Variants in DSTYK observed in about 807,000 individuals in gnomAD.
DSTYK encodes the protein dual serine/threonine and tyrosine protein kinase.
In DSTYK, 34 loss-of-function variants were observed where a neutral mutation model predicts 98.7. That is an observed-to-expected ratio of 0.34 (90% confidence interval 0.26 to 0.46). The LOEUF (loss-of-function observed/expected upper bound fraction) is 0.46, where lower values mean the gene tolerates loss of function less well. Ranked by LOEUF, DSTYK falls within the 20% of genes least tolerant of loss-of-function variation. DSTYK has a pLI of 1.00. For missense variants in DSTYK, 962 were observed against 1,181.7 expected (o/e 0.81, Z 2.73); for synonymous variants, 462 against 457.3 (o/e 1.01, Z -0.13).
At position 205,199,485 on chromosome 1, in the gene DSTYK, A is replaced by G. The variant is rs150324120; in HGVS notation, c.266-11679T>C. On this transcript the variant is annotated intron_variant, in intron 1 of 12. Coordinates refer to ENST00000367162, the MANE Select transcript of DSTYK (RefSeq NM_015375.3). ...TTTATAGCTCAAAGCAAGGAGACACACATCTTAAGCATTTCTACATCTGTT... is the reference window on the plus strand; with the variant it reads ...TTTATAGCTCAAAGCAAGGAGACACGCATCTTAAGCATTTCTACATCTGTT... 2.0e-5 allele frequency among the ~76,000 whole-genome samples: 3 copies of G among 152,304 alleles called. No individual in the cohort carries two copies. In the East Asian group the frequency reaches 5.8e-4, roughly 29 times the overall value.
chr1:205,148,117 T>A, intron 12 of DSTYK, 88 bp downstream of exon 12: 2 of 1,548,066 alleles, frequency 1.3e-6, no homozygotes, highest in Non-Finnish European at 1.8e-6. Context: ...AGTGGCCAGA[T>A]GGGATGACAG....
chr1:205,184,095 C>G (rs912829532), intron 2 of DSTYK, among the ~76,000 whole-genome samples: 1 of 152,194 alleles, frequency 6.6e-6, no homozygotes, highest in African/African-American at 2.4e-5. Context: ...TCCAAGTAGT[C>G]TCCTCAGTTG....
intron 4 of DSTYK, 29 bp from the exon 5 acceptor site, chr1:205,163,035 G>A: frequency 6.5e-7 from 1 of 1,549,364 alleles, no homozygotes; most frequent in Non-Finnish European, 8.9e-7. Flanking sequence ...AAGAAAACAT[G>A]TCCTCAGTAG....
intron 1 of DSTYK, among the ~76,000 whole-genome samples, chr1:205,200,280 C>T (rs1359718158): frequency 6.6e-6 from 1 of 152,056 alleles, no homozygotes; most frequent in Non-Finnish European, 1.5e-5. Flanking sequence ...TCAGGTGATC[C>T]ACCTACCTTG....
intron 1 of DSTYK, among the ~76,000 whole-genome samples, chr1:205,194,544 CTT>C (rs869180306): frequency 3.7e-5 from 3 of 81,654 alleles, no homozygotes; most frequent in African/African-American, 5.8e-5. Flanking sequence ...AAAAATCTCA[CTT>C]TTTTTTTTTT....
chr1:205,196,698 T>C (rs991479754), intron 1 of DSTYK, among the ~76,000 whole-genome samples: 2 of 150,594 alleles, frequency 1.3e-5, no homozygotes, highest in African/African-American at 4.9e-5. Flanking sequence ...AACTAATCAA[T>C]TGCAAAGGAA....
At chr1:205,161,191 G>A in intron 7 of DSTYK, 67 bp downstream of exon 7, 1 of 1,583,576 alleles carries the variant, frequency 6.3e-7, no homozygotes, top group Non-Finnish European at 8.6e-7. Flanking sequence ...ATTCTCTGAG[G>A]CTGGACATAA....
At chr1:205,164,008 CACTAAAT>C (rs1413589878) in intron 3 of DSTYK, 53 bp from the exon 4 acceptor site, 1 of 1,482,758 alleles carries the variant, frequency 6.7e-7, no homozygotes, top group Admixed American at 1.7e-5. Context: ...GGGGCAGACA[CACTAAAT>C]AAAGTCATCT....
chr1:205,194,711 A>G (rs1036790552), intron 1 of DSTYK, among the ~76,000 whole-genome samples: 4 of 151,180 alleles, frequency 2.6e-5, no homozygotes, highest in Non-Finnish European at 5.9e-5. Flanking sequence ...ACAGAGCTCA[A>G]AAAAAGAAAA....
rs567432027 is a variant in DSTYK at position 205,169,656 on chromosome 1, G to T, written c.831C>A (p.Phe277Leu). The T allele has an allele frequency of 6.2e-7, 1 of 1,614,220 alleles. No homozygotes were observed. The highest frequency in any genetic ancestry group is 1.1e-5 in the South Asian group (1 of 91,086). The change falls in exon 3 of 13, where the codon TTC becomes TTA. Residue 277 changes from phenylalanine (F) to leucine (L), a missense_variant. By Grantham distance (22) the Phe-to-Leu change is conservative. Coordinates refer to ENST00000367162, the MANE Select transcript of DSTYK (RefSeq NM_015375.3). This position sits in a 1 kb window ranked among gnomAD's most constrained non-coding sequence, Gnocchi z 4.0. ...EIRKYFSFPV[F>L]FFKVPKLGSE... is the part of the protein sequence containing the mutation. ...AGCCCAGTTTCGGCACTTTGAAAAA[G>T]AATACAGGAAAGGAGAAATACTTTC... is the stretch of plus-strand genomic sequence containing the variant.
intron 3 of DSTYK, among the ~76,000 whole-genome samples, chr1:205,164,704 G>C (rs890895439): frequency 2.0e-5 from 3 of 152,070 alleles, no homozygotes; most frequent in Admixed American, 2.0e-4. Context: ...CTCGTGATCT[G>C]CCCACCTCGG....
chr1:205,175,626 A>G (rs916311049), intron 2 of DSTYK, among the ~76,000 whole-genome samples: 1 of 152,134 alleles, frequency 6.6e-6, no homozygotes, highest in Non-Finnish European at 1.5e-5. Flanking sequence ...GGGATGACTC[A>G]TGCTTGACGG....
intron 6 of DSTYK, among the ~76,000 whole-genome samples, chr1:205,161,693 T>C (rs1331517178): frequency 2.6e-5 from 4 of 152,234 alleles, no homozygotes; most frequent in African/African-American, 9.6e-5. Flanking sequence ...TTCTGTCATT[T>C]GTTCCTAAAA....
At chr1:205,154,656 T>C (rs1276387899) in intron 10 of DSTYK, among the ~76,000 whole-genome samples, 1 of 152,098 alleles carries the variant, frequency 6.6e-6, no homozygotes, top group Admixed American at 6.6e-5. Context: ...ATACATGAAA[T>C]TGTGGAAGCG....
intron 9 of DSTYK, among the ~76,000 whole-genome samples, chr1:205,158,744 C>T (rs190871297): frequency 6.6e-6 from 1 of 152,188 alleles, no homozygotes; most frequent in South Asian, 2.1e-4. Context: ...AAATTCTACC[C>T]ATCATGGTAT....
intron 1 of DSTYK, among the ~76,000 whole-genome samples, chr1:205,189,789 A>G (rs1420281130): frequency 2.0e-5 from 3 of 152,190 alleles, no homozygotes; most frequent in Non-Finnish European, 4.4e-5. Context: ...CCGCACATAT[A>G]CATCAGCAAC....
chr1:205,209,633 C>CCG (rs1292978303), intron 1 of DSTYK, among the ~76,000 whole-genome samples: 5 of 59,956 alleles, frequency 8.3e-5, no homozygotes, highest in Admixed American at 2.1e-4. Context: ...AGGGGGATGA[C>CCG]TAGTTTTTCT....
chr1:205,211,583 C>T lies in DSTYK; in HGVS notation c.-48G>A. 3 of 1,406,422 alleles carry T rather than the reference C, an allele frequency of 2.1e-6. No individual in the cohort carries two copies. The South Asian group carries it at 4.7e-5, about 22-fold the overall frequency. 87.1% of individuals were successfully genotyped at this position (1,406,422 alleles called of 1,614,324 possible). ...GCGGCTCGGTCCCCGGCCGCAGGCC[C>T]GGCCTCCCTCCTCCCCGCCCCCCAG... On this transcript the variant is annotated 5_prime_UTR_variant, in exon 1 of 13. Coordinates refer to ENST00000367162, the MANE Select transcript of DSTYK (RefSeq NM_015375.3).
chr1:205,204,798 T>C (rs963249009), intron 1 of DSTYK, among the ~76,000 whole-genome samples: 2 of 152,234 alleles, frequency 1.3e-5, no homozygotes, highest in African/African-American at 2.4e-5. Flanking sequence ...ATCTACTTTC[T>C]ATCTCTATGA....
Sources: gnomAD v4.1 joint callset for allele counts (sites outside exome capture counted in the v4.1 genomes callset) on GRCh38, gnomAD v4.1.1 for gene constraint, Gnocchi (gnomAD v3.1) non-coding constraint, MANE v1.5 for transcripts, NCBI Gene and HGNC (gene_info 2026-07-23, HGNC 2026-07-21) for gene names.